Variants in RCAN2 observed in about 807,000 individuals in gnomAD.
RCAN2 encodes calcipressin-2.
RCAN2 carries 9 observed loss-of-function variants against 23.6 expected under a neutral mutation model. That is an observed-to-expected ratio of 0.38 (90% CI 0.23 to 0.67). The LOEUF (loss-of-function observed/expected upper bound fraction) is 0.67, where lower values mean the gene tolerates loss of function less well. RCAN2 is among the 30% of genes least tolerant of loss of function. The probability of loss-of-function intolerance (pLI) is 0.51; values close to 1 mark genes in which losing one functional copy is unlikely to be tolerated. For synonymous variants in RCAN2, 109 were observed against 115.7 expected (o/e 0.94, Z 0.37); for missense variants, 273 against 302.3 (o/e 0.90, Z 0.72).
intron 2 of RCAN2, among the ~76,000 whole-genome samples, chr6:46,354,266 G>A (rs1322502139): frequency 1.4e-5 from 2 of 145,186 alleles, no homozygotes; most frequent in Non-Finnish European, 3.0e-5. Context: ...TAGAATCCCT[G>A]ACTCATGGTT....
At chr6:46,450,880 A>G (rs1767859196) in intron 2 of RCAN2, among the ~76,000 whole-genome samples, 1 of 152,040 alleles carries the variant, frequency 6.6e-6, no homozygotes. Context: ...AAAATAATCT[A>G]TTGTATTTTT....
chr6:46,377,388 G>A (rs1765505431), intron 2 of RCAN2, among the ~76,000 whole-genome samples: 1 of 152,206 alleles, frequency 6.6e-6, no homozygotes, highest in African/African-American at 2.4e-5. Context: ...AAATTTCCAT[G>A]GCACTTTCTT....
intron 4 of RCAN2, among the ~76,000 whole-genome samples, chr6:46,242,909 G>A (rs1483343119): frequency 6.6e-6 from 1 of 152,176 alleles, no homozygotes; most frequent in Non-Finnish European, 1.5e-5. Flanking sequence ...TGTTTATTGA[G>A]CATCCACTAT....
chr6:46,330,127 T>G (rs1334303279), intron 2 of RCAN2, among the ~76,000 whole-genome samples: 1 of 152,210 alleles, frequency 6.6e-6, no homozygotes, highest in East Asian at 1.9e-4. Context: ...AGCCTTCATG[T>G]ATCCACCACC....
chr6:46,437,337 C>A (rs1767404127), intron 2 of RCAN2, among the ~76,000 whole-genome samples: 2 of 152,050 alleles, frequency 1.3e-5, no homozygotes, highest in Non-Finnish European at 2.9e-5. Context: ...TTTAGCAGAT[C>A]CTGCATAAAT....
At chr6:46,430,424 G>A (rs1012775666) in intron 2 of RCAN2, among the ~76,000 whole-genome samples, 2 of 152,154 alleles carry the variant, frequency 1.3e-5, no homozygotes, top group Non-Finnish European at 2.9e-5. Context: ...GAGACATCAA[G>A]AGGAGACATC....
Position 46,354,895 on chromosome 6 carries a change from A to ATGTG in RCAN2, c.225+101856_225+101857insCACA, listed in dbSNP as rs1317652711. ...AGAGACTTCTCAGGAAAAAGATTAT[A>ATGTG]TATGTGTGTGTGTGTGTGTGTGTGT... On this transcript the variant is annotated intron_variant, in intron 2 of 4. Coordinates refer to ENST00000371374, the MANE Select transcript of RCAN2 (RefSeq NM_001251974.2). Among the ~76,000 whole-genome samples the ATGTG allele has an allele frequency of 5.2e-3, 713 of 136,282 alleles. 7 individuals carry two copies. The highest frequency in any genetic ancestry group is 0.017 in the African/African-American group (616 of 36,188). The allele number at this position is 136,282 out of a possible 152,430, so 89.4% of individuals were successfully genotyped here.
chr6:46,250,346 G>C lies in RCAN2; in HGVS notation c.226-1450C>G, dbSNP rs370103925. On this transcript the variant is annotated intron_variant, in intron 2 of 4. Coordinates refer to ENST00000371374, the MANE Select transcript of RCAN2 (RefSeq NM_001251974.2). ...GAAAACTAGTATATGTTATAAGCTA[G>C]TGTGTTCTTAATAGAGAAACTTCCA... 3.3e-5 allele frequency among the ~76,000 whole-genome samples: 5 copies of C among 152,200 alleles called. No homozygotes were observed. The East Asian group carries it at 7.7e-4, about 23-fold the overall frequency.
chr6:46,405,298 TTATTGCAAAGAGGGAAAGA>T (rs1329895478), intron 2 of RCAN2, among the ~76,000 whole-genome samples: 63 of 151,790 alleles, frequency 4.2e-4, no homozygotes, highest in African/African-American at 1.3e-3. Flanking sequence ...GCAGCAAGAG[TTATTGCAAAGAGGGAAAGA>T]ACAAAGCTTC....
intron 2 of RCAN2, among the ~76,000 whole-genome samples, chr6:46,341,657 G>T (rs1238764736): frequency 2.0e-5 from 3 of 152,114 alleles, no homozygotes; most frequent in African/African-American, 4.8e-5. Context: ...AAATAGCCAG[G>T]CATGGTGGCA....
chr6:46,357,426 AAC>A (rs1764867487), intron 2 of RCAN2, among the ~76,000 whole-genome samples: 1 of 152,244 alleles, frequency 6.6e-6, no homozygotes, highest in African/African-American at 2.4e-5. Flanking sequence ...AGTTATTAGT[AAC>A]AGTTAATAAT....
intron 2 of RCAN2, among the ~76,000 whole-genome samples, chr6:46,380,750 T>C (rs971315042): frequency 3.9e-5 from 6 of 152,182 alleles, no homozygotes; most frequent in Non-Finnish European, 7.4e-5. Context: ...ATCTGCAAAA[T>C]GGGGATAATT....
At chr6:46,439,927 T>C (rs543090477) in intron 2 of RCAN2, among the ~76,000 whole-genome samples, 12 of 152,342 alleles carry the variant, frequency 7.9e-5, no homozygotes, top group Admixed American at 2.6e-4. Context: ...ATGTGCCCCT[T>C]GCAAAGTCGT....
chr6:46,366,607 T>C (rs986732720), intron 2 of RCAN2, among the ~76,000 whole-genome samples: 2 of 152,136 alleles, frequency 1.3e-5, no homozygotes, highest in Non-Finnish European at 2.9e-5. Context: ...TGTCGTCCTT[T>C]ATATCTCATC....
At chr6:46,471,392 A>C (rs1297649094) in intron 1 of RCAN2, among the ~76,000 whole-genome samples, 2 of 152,240 alleles carry the variant, frequency 1.3e-5, no homozygotes, top group Non-Finnish European at 2.9e-5. Flanking sequence ...CAGTAGAAAC[A>C]GAATCAGTAG....
intron 2 of RCAN2, among the ~76,000 whole-genome samples, chr6:46,401,581 T>C (rs1182407965): frequency 1.3e-5 from 2 of 152,214 alleles, no homozygotes; most frequent in East Asian, 1.9e-4. Flanking sequence ...GGACTGACCA[T>C]GCTGCCCCTC....
At chr6:46,291,799 C>T (rs1762569549) in intron 2 of RCAN2, among the ~76,000 whole-genome samples, 1 of 152,058 alleles carries the variant, frequency 6.6e-6, no homozygotes, top group African/African-American at 2.4e-5. Context: ...TTTTGTGGTG[C>T]CCTATGCATA....
chr6:46,330,432 ATCATT>A (rs1763932029), intron 2 of RCAN2, among the ~76,000 whole-genome samples: 1 of 152,256 alleles, frequency 6.6e-6, no homozygotes, highest in Non-Finnish European at 1.5e-5. Flanking sequence ...CTGGCATCAT[ATCATT>A]TCATTTATAA....
At chr6:46,420,839 AC>A (rs1448060444) in intron 2 of RCAN2, among the ~76,000 whole-genome samples, 5 of 152,014 alleles carry the variant, frequency 3.3e-5, no homozygotes, top group African/African-American at 1.2e-4. Context: ...GAGCCACTGC[AC>A]CCAGCCTGAT....
Sources: gnomAD v4.1 joint callset for allele counts (sites outside exome capture counted in the v4.1 genomes callset) on GRCh38, gnomAD v4.1.1 for gene constraint, MANE v1.5 for transcripts, NCBI Gene and HGNC (gene_info 2026-07-23, HGNC 2026-07-21) for gene names.